The following BIRC6 variants were observed in gnomAD, a reference collection of about 807,000 sequenced individuals.
BIRC6 encodes dual E2 ubiquitin-conjugating enzyme/E3 ubiquitin-protein ligase BIRC6.
In BIRC6, 98 loss-of-function variants were observed where a neutral mutation model predicts 503.3. That is an observed-to-expected ratio of 0.19 (90% confidence interval 0.17 to 0.23). BIRC6 has a LOEUF of 0.23. Ranked by LOEUF, BIRC6 falls within the 10% of genes least tolerant of loss-of-function variation. The pLI is 1.00. For synonymous variants in BIRC6, 2,240 were observed against 2,078.7 expected, an observed-to-expected ratio of 1.08 and a Z score of -2.11; for missense variants, 5,360 against 5,806.0, an observed-to-expected ratio of 0.92 and a Z score of 2.50.
In BIRC6 at chr2:32,401,276, A is replaced by T; in HGVS notation, c.1148A>T (p.Asp383Val). 1 of 1,614,060 alleles carries T rather than the reference A, an allele frequency of 6.2e-7. No homozygotes were observed. ...ATSPAQFPCT[D>V]GTDRISCFGS... ...AGTCCTGCACAGTTTCCTTGTACGG[A>T]TGGAACTGACAGAATATCTTGCTTT... Residue 383 changes from aspartate (D) to valine (V), a missense_variant, in exon 7 of 74, where the codon GAT becomes GTT. Around this residue, in one of 16 missense-constraint regions of BIRC6, gnomAD observed 92 missense variants for 176.7 expected, o/e 0.52. Transcript: ENST00000421745.
chr2:32,602,786 G>T (rs1399442383), intron 70 of BIRC6: 3 of 453,082 alleles, frequency 6.6e-6, no homozygotes, highest in Non-Finnish European at 1.2e-5. Flanking sequence ...AATAGGTGCT[G>T]GTCTGTTTTG....
chr2:32,490,003 T>G (rs1303963823), intron 42 of BIRC6, 38 bp from the exon 43 acceptor site: 3 of 1,409,410 alleles, frequency 2.1e-6, no homozygotes, highest in Non-Finnish European at 3.0e-6. Context: ...AAACATTGTT[T>G]TTCTGAAAAA....
At chr2:32,395,110 G>T (rs775811270) in intron 5 of BIRC6, among the ~76,000 whole-genome samples, 51 of 152,134 alleles carry the variant, frequency 3.4e-4, no homozygotes, top group Non-Finnish European at 7.4e-5. Flanking sequence ...CCGAGATTGC[G>T]CCACTGCACT....
chr2:32,565,587 T>A (rs2059482214), intron 65 of BIRC6: 1 of 152,192 alleles, frequency 6.6e-6, no homozygotes, highest in Non-Finnish European at 1.5e-5. Context: ...GTGCTACTAA[T>A]TTCTTATATT....
intron 15 of BIRC6, among the ~76,000 whole-genome samples, chr2:32,438,488 A>T (rs1442258260): frequency 6.6e-6 from 1 of 151,960 alleles, no homozygotes; most frequent in African/African-American, 2.4e-5. Flanking sequence ...TGTATTTTAT[A>T]TATAGATTGT....
intron 66 of BIRC6, among the ~76,000 whole-genome samples, chr2:32,587,946 A>G (rs963009239): frequency 1.1e-4 from 16 of 152,078 alleles, no homozygotes; most frequent in African/African-American, 3.4e-4. Flanking sequence ...ACCAAACTAA[A>G]CTGAGACTCA....
At position 32,505,092 on chromosome 2, in the gene BIRC6, C is replaced by T; in HGVS notation, c.9587C>T (p.Ala3196Val). ...CCTCACAGAAGAGCTCGCTCTGCTG[C>T]TTGGTCCTACATCTTTCTTCCAGAG... ...TPPHRRARSA[A>V]WSYIFLPEEA... The change falls in exon 50 of 74, where the codon GCT (alanine) becomes GTT (valine). Residue 3196 changes from alanine to valine, a missense_variant. Coordinates refer to ENST00000421745, the MANE Select transcript of BIRC6 (RefSeq NM_016252.4). 1 of 1,612,538 alleles carries T rather than the reference C, an allele frequency of 6.2e-7. No individual in the cohort carries two copies. The highest frequency in any genetic ancestry group is 1.1e-5 in the South Asian group (1 of 90,624).
At position 32,545,795 on chromosome 2, in the gene BIRC6, G is replaced by C. The variant is rs2058017178; in HGVS notation, c.12745G>C (p.Val4249Leu). Reference sequence around the variant, plus strand: ...AATTGGAGCCTTACACCTCATTCTTGTCTGTCTCTCTGCTTTGAGCCACCA... The same window carrying C: ...AATTGGAGCCTTACACCTCATTCTTCTCTGTCTCTCTGCTTTGAGCCACCA... ...LEIGALHLIL[V>L]CLSALSHHSP... The change falls in exon 63 of 74, where the codon GTC becomes CTC. Residue 4249 changes from valine to leucine, a missense_variant. Physicochemically the swap from Val to Leu is conservative, Grantham distance 32. Around this residue, in one of 16 missense-constraint regions of BIRC6, gnomAD observed 477 missense variants for 574.4 expected, o/e 0.83. Transcript: ENST00000421745. The C allele has an allele frequency of 2.5e-6, 4 of 1,613,762 alleles. No individual in the cohort carries two copies. Among genetic ancestry groups the C allele is most frequent in the Non-Finnish European group, 2.5e-6 (3 of 1,179,822 alleles).
In BIRC6 at chr2:32,531,485, A is replaced by G. The variant is rs147193584; in HGVS notation, c.12225A>G (p.Ala4075=). ...CPIQSPLQVF[A]GMGGLALIAE... ...TTCAGTCACCATTACAAGTTTTTGC[A>G]GGAATGGGTGGACTGGCTCTTATTG... The change falls in exon 61 of 74, where the codon GCA becomes GCG. Residue 4075 remains alanine (A), a synonymous_variant. Coordinates refer to ENST00000421745, the MANE Select transcript of BIRC6 (RefSeq NM_016252.4). The G allele has an allele frequency of 9.3e-6, 15 of 1,613,730 alleles. No homozygotes were observed. The highest frequency in any genetic ancestry group is 1.6e-4 in the Middle Eastern group (1 of 6,082).
chr2:32,556,714 C>T (rs940479200), intron 65 of BIRC6, among the ~76,000 whole-genome samples: 11 of 152,028 alleles, frequency 7.2e-5, no homozygotes, highest in East Asian at 3.9e-4. Flanking sequence ...TTTGAGAGGC[C>T]GAGGTGGGTG....
In BIRC6 at chr2:32,396,779, A is replaced by G. The variant is rs187839106; in HGVS notation, c.1034+1186A>G. Among the ~76,000 whole-genome samples, 4 of 152,244 alleles carry G rather than the reference A, an allele frequency of 2.6e-5. 1 individual carries two copies. The East Asian group carries it at 7.7e-4, about 29-fold the overall frequency. On this transcript the variant is annotated intron_variant, in intron 6 of 73. Transcript: ENST00000421745. ...TGCTCTGTTGCCCAGACTGGAGTGC[A>G]GTGGCGCGATCTCGGCTCACTGCAA...
chr2:32,578,525 G>T (rs558811441), intron 66 of BIRC6, among the ~76,000 whole-genome samples: 4 of 152,284 alleles, frequency 2.6e-5, no homozygotes, highest in South Asian at 4.1e-4. Flanking sequence ...GCCGGGTGCA[G>T]TGGCTCACGG....
At chr2:32,525,865 G>A (rs1172617404) in intron 59 of BIRC6, among the ~76,000 whole-genome samples, 1 of 152,072 alleles carries the variant, frequency 6.6e-6, no homozygotes, top group Non-Finnish European at 1.5e-5. Context: ...GGTTTTCTAA[G>A]TTTTTCTGTC....
rs912833504 is a variant in BIRC6 at position 32,477,219 on chromosome 2, A to G, written c.6853-149A>G. The G allele has an allele frequency of 4.5e-6, 3 of 661,234 alleles. No individual in the cohort carries two copies. In the African/African-American group the frequency reaches 5.5e-5, roughly 12 times the overall value. The allele number at this position is 661,234 out of a possible 1,614,324, so 41.0% of individuals were successfully genotyped here. ...TATATTGGTCAGTTTAGCTTTTAATATTCTTACTTTTGAAACTTACAGTGT... is the reference window on the plus strand; with the variant it reads ...TATATTGGTCAGTTTAGCTTTTAATGTTCTTACTTTTGAAACTTACAGTGT... On this transcript the variant is annotated intron_variant, in intron 34 of 73. Transcript: ENST00000421745.
chr2:32,440,950 A>G (rs1376876128), intron 16 of BIRC6, among the ~76,000 whole-genome samples: 2 of 151,824 alleles, frequency 1.3e-5, no homozygotes, highest in African/African-American at 4.8e-5. Flanking sequence ...TGGTAGAGAT[A>G]GGGTTTCACT....
At chr2:32,598,764 T>C (rs988063649) in intron 69 of BIRC6, among the ~76,000 whole-genome samples, 1 of 152,160 alleles carries the variant, frequency 6.6e-6, no homozygotes, top group Non-Finnish European at 1.5e-5. Context: ...GGCTCATGCC[T>C]GTAATCCCAG....
chr2:32,391,827 A>G (rs1558601444), intron 4 of BIRC6, among the ~76,000 whole-genome samples: 1 of 152,254 alleles, frequency 6.6e-6, no homozygotes, highest in Non-Finnish European at 1.5e-5. Flanking sequence ...TATCAACTGC[A>G]GCCACCAATC....
In BIRC6 at chr2:32,490,095, G is replaced by A. The variant is rs746188049; in HGVS notation, c.8150G>A (p.Arg2717Gln). ...VLAWYPNTLL[R>Q]TWCLVLHSLT... ...GCTTGGTATCCCAATACTTTGCTCC[G>A]GACATGGTGCCTTGTGCTTCATAGC... is the stretch of plus-strand genomic sequence containing the variant. Residue 2717 changes from arginine (R) to glutamine (Q), a missense_variant, in exon 43 of 74, where the codon CGG becomes CAG. Around this residue, in one of 16 missense-constraint regions of BIRC6, gnomAD observed 2,299 missense variants for 2,267.2 expected, o/e 1.01. Coordinates refer to ENST00000421745, the MANE Select transcript of BIRC6 (RefSeq NM_016252.4). 6.2e-6 allele frequency: 10 copies of A among 1,613,334 alleles called. No individual in the cohort carries two copies. In the South Asian group the frequency reaches 6.6e-5, roughly 11 times the overall value.
Position 32,513,021 on chromosome 2 carries a change from T to C in BIRC6, c.10435T>C (p.Ser3479Pro). ...CAGGATGAACTACATGTGTCCTAAC[T>C]CCTCAACAGTAGAGTATGGTCTTCT... ...SGRMNYMCPN[S>P]STVEYGLLMP... Residue 3479 changes from serine to proline, a missense_variant, in exon 54 of 74, where the codon TCC (serine) becomes CCC (proline). Ser to Pro is a moderately conservative substitution (Grantham distance 74). This residue lies in a region of BIRC6 where 878 missense variants were observed against 928.9 expected (regional missense o/e 0.95). Transcript: ENST00000421745. 1 of 1,613,954 alleles carries C rather than the reference T, an allele frequency of 6.2e-7. No individual in the cohort carries two copies. The highest frequency in any genetic ancestry group is 8.5e-7 in the Non-Finnish European group (1 of 1,179,854).
Sources: allele counts gnomAD v4.1 joint callset (sites outside exome capture counted in the v4.1 genomes callset), GRCh38; gene constraint gnomAD v4.1.1; regional missense constraint gnomAD v4.1.1; transcripts MANE v1.5; gene names NCBI Gene and HGNC (gene_info 2026-07-23, HGNC 2026-07-21).